SSU72L6: variants seen among roughly 807,000 people sequenced by gnomAD.
SSU72L6 encodes RNA polymerase II subunit A C-terminal domain phosphatase SSU72 like protein 6.
the SSU72L6 span, chr7:124,476,344 T>A: frequency 1.3e-6 from 1 of 748,978 alleles, no homozygotes; most frequent in African/African-American, 1.7e-5. Context: ...GGTGCCTGTG[T>A]CTCTCTTGTT....
the SSU72L6 span, among the ~76,000 whole-genome samples, chr7:124,477,627 A>G: frequency 6.8e-5 from 10 of 148,084 alleles, no homozygotes; most frequent in Admixed American, 6.9e-4. Context: ...ATCAAATTAA[A>G]TGAAATAAAA....
the SSU72L6 span, chr7:124,476,833 A>T: frequency 1.3e-6 from 1 of 770,966 alleles, no homozygotes; most frequent in Admixed American, 1.7e-5. Context: ...AGCTTTCCTC[A>T]TCTGTGAGAT....
At chr7:124,477,361 C>T in the SSU72L6 span, among the ~76,000 whole-genome samples, 1 of 151,178 alleles carries the variant, frequency 6.6e-6, no homozygotes, top group African/African-American at 2.4e-5. Flanking sequence ...AATAGACTTC[C>T]TTTTCTCAAT....
chr7:124,476,321 C>G, the SSU72L6 span: 1 of 713,136 alleles, frequency 1.4e-6, no homozygotes, highest in Admixed American at 2.0e-5. Context: ...CTCAGAGTCC[C>G]TGCAGCAGCT....
chr7:124,476,509 C>G, the SSU72L6 span: 7 of 780,634 alleles, frequency 9.0e-6, no homozygotes, highest in East Asian at 1.5e-4. Context: ...GCTACCAGGA[C>G]GAAGACCCAA....
chr7:124,476,725 G>A, the SSU72L6 span: 71 of 780,588 alleles, frequency 9.1e-5, no homozygotes, highest in Non-Finnish European at 1.3e-4. Context: ...CTATGACACA[G>A]TGGTGGAAGA....
the SSU72L6 span, among the ~76,000 whole-genome samples, chr7:124,477,656 AAAAAG>A: frequency 6.6e-6 from 1 of 151,602 alleles, no homozygotes; most frequent in African/African-American, 2.4e-5. Flanking sequence ...TAAAAAAAAA[AAAAAG>A]AAAGAAATCC....
chr7:124,477,204 A>G, the SSU72L6 span, among the ~76,000 whole-genome samples: 365 of 152,336 alleles, frequency 2.4e-3, 1 homozygote, highest in Non-Finnish European at 3.3e-3. Context: ...TAACTAATTT[A>G]ATGCTTATAT....
At chr7:124,476,568 T>C in the SSU72L6 span, 6 of 780,710 alleles carry the variant, frequency 7.7e-6, no homozygotes, top group Non-Finnish European at 1.4e-5. Flanking sequence ...AGATGTACAA[T>C]GACCTCCTCA....
chr7:124,477,133 G>A, the SSU72L6 span, among the ~76,000 whole-genome samples: 1 of 152,142 alleles, frequency 6.6e-6, no homozygotes, highest in African/African-American at 2.4e-5. Flanking sequence ...AAATGAGAAG[G>A]ACTAACAGTT....
chr7:124,476,338 C>T, the SSU72L6 span: 2 of 741,700 alleles, frequency 2.7e-6, no homozygotes, highest in African/African-American at 3.4e-5. Flanking sequence ...AGCTGAGGTG[C>T]CTGTGTCTCT....
the SSU72L6 span, chr7:124,477,026 G>A: frequency 1.6e-6 from 1 of 633,928 alleles, no homozygotes; most frequent in Non-Finnish European, 2.8e-6. Context: ...GATTGATTGT[G>A]AGAAGTATCT....
At chr7:124,477,610 A>C in the SSU72L6 span, among the ~76,000 whole-genome samples, 1 of 151,330 alleles carries the variant, frequency 6.6e-6, no homozygotes, top group Non-Finnish European at 1.5e-5. Flanking sequence ...TACTCAAATA[A>C]TAGGTCATCA....
the SSU72L6 span, chr7:124,476,317 G>A: frequency 1.4e-5 from 10 of 703,664 alleles, no homozygotes; most frequent in Non-Finnish European, 2.6e-5. Context: ...TTGGCTCAGA[G>A]TCCCTGCAGC....
At chr7:124,477,506 A>T in the SSU72L6 span, among the ~76,000 whole-genome samples, 1 of 152,040 alleles carries the variant, frequency 6.6e-6, no homozygotes, top group Non-Finnish European at 1.5e-5. Context: ...ATGTTTTCAC[A>T]TATAGATTAT....
chr7:124,477,255 G>A, the SSU72L6 span, among the ~76,000 whole-genome samples: 8 of 152,122 alleles, frequency 5.3e-5, no homozygotes, highest in Admixed American at 2.6e-4. Flanking sequence ...TGCATTTTCC[G>A]GATGAGCAAA....
the SSU72L6 span, chr7:124,476,924 A>G: frequency 2.6e-6 from 2 of 762,912 alleles, no homozygotes; most frequent in Non-Finnish European, 4.8e-6. Flanking sequence ...AAGGCAGGAA[A>G]AAGCTTTCTT....
chr7:124,477,037 A>G, the SSU72L6 span: 1 of 622,442 alleles, frequency 1.6e-6, no homozygotes, highest in Non-Finnish European at 2.9e-6. Flanking sequence ...AGAAGTATCT[A>G]CAAAGACCTT....
the SSU72L6 span, chr7:124,476,529 A>C: frequency 1.3e-6 from 1 of 780,718 alleles, no homozygotes; most frequent in Non-Finnish European, 2.4e-6. Flanking sequence ...ATCATCCTGT[A>C]GTTTACGATT....
Sources: allele counts gnomAD v4.1 joint callset (sites outside exome capture counted in the v4.1 genomes callset), GRCh38; gene constraint gnomAD v4.1.1; transcripts MANE v1.5; gene names NCBI Gene and HGNC (gene_info 2026-07-23, HGNC 2026-07-21).